NKTR: variants seen among roughly 807,000 people sequenced by gnomAD.
The protein encoded by NKTR is NK-tumor recognition protein.
Under a neutral mutation model 156.3 loss-of-function variants are expected in NKTR, and 67 were observed. The ratio of observed to expected loss-of-function variants is 0.43; its 90% CI spans 0.35 to 0.53. NKTR has a LOEUF of 0.53. NKTR is among the 20% of genes least tolerant of loss of function. NKTR has a pLI of 0.01. For synonymous variants in NKTR, 640 were observed against 596.6 expected (o/e 1.07, Z -1.06); for missense variants, 1,604 against 1,730.9 (o/e 0.93, Z 1.30).
At chr3:42,610,589 G>C (rs922821122) in intron 2 of NKTR, among the ~76,000 whole-genome samples, 1 of 150,646 alleles carries the variant, frequency 6.6e-6, no homozygotes, top group African/African-American at 2.4e-5. Context: ...GGTTTCTATC[G>C]TGGGATTTTT....
Position 42,638,219 on chromosome 3 carries a change from G to GA in NKTR, c.2522dup (p.Asn841LysfsTer4). ...AATGGAAAGAACACATAATAAACAA[G>GA]AAAAAAACAGAGGTGAAGAAAAATC... is the stretch of plus-strand genomic sequence containing the variant. On this transcript the variant is annotated frameshift_variant, in exon 13 of 17. Transcript: ENST00000232978. LOFTEE classifies it high-confidence loss of function. 1.2e-6 allele frequency: 2 copies of GA among 1,611,970 alleles called. No individual in the cohort carries two copies. The highest frequency in any genetic ancestry group is 2.7e-5 in the African/African-American group (2 of 74,672).
intron 2 of NKTR, among the ~76,000 whole-genome samples, chr3:42,609,327 T>G (rs1706544111): frequency 6.6e-6 from 1 of 152,202 alleles, no homozygotes; most frequent in Admixed American, 6.5e-5. Context: ...CTATTAAATT[T>G]CTTTGGTGTA....
chr3:42,603,309 A>G (rs1705772726), intron 2 of NKTR, among the ~76,000 whole-genome samples: 1 of 147,408 alleles, frequency 6.8e-6, no homozygotes, highest in Non-Finnish European at 1.5e-5. Flanking sequence ...GCCATGAGCT[A>G]TGATTGCACC....
intron 2 of NKTR, among the ~76,000 whole-genome samples, chr3:42,606,589 T>A (rs1433647859): frequency 1.3e-5 from 2 of 152,264 alleles, no homozygotes; most frequent in African/African-American, 2.4e-5. Context: ...TATGTATACT[T>A]GTACAAAGAA....
Position 42,646,123 on chromosome 3 carries a change from G to A in NKTR, c.*148G>A. 2.0e-6 allele frequency: 1 copy of A among 499,234 alleles called. No homozygotes were observed. The highest frequency in any genetic ancestry group is 3.6e-6 in the Non-Finnish European group (1 of 274,988). 30.9% of individuals were successfully genotyped at this position (499,234 alleles called of 1,614,324 possible). On this transcript the variant is annotated 3_prime_UTR_variant, in exon 17 of 17. Transcript: ENST00000232978. The stretch of plus-strand genomic sequence containing the variant: ...AATTGTTACTGGTTCATTTACATGT[G>A]GGGAGAAGAATTTAAAATACAGATA...
Position 42,637,876 on chromosome 3 carries a change from T to G in NKTR, c.2172T>G (p.Ser724=). 3 of 1,614,062 alleles carry G rather than the reference T, an allele frequency of 1.9e-6. No individual in the cohort carries two copies. Among genetic ancestry groups the G allele is most frequent in the Non-Finnish European group, 1.7e-6 (2 of 1,179,942 alleles). ...ATTCAAGGTCTAGGTCTCCATCATCTAGATCTCATTCACGAAATAAATACA... is the reference window on the plus strand; with the variant it reads ...ATTCAAGGTCTAGGTCTCCATCATCGAGATCTCATTCACGAAATAAATACA... The part of the protein sequence containing the change: ...SSHSRSRSPS[S]RSHSRNKYSD... The change falls in exon 13 of 17, where the codon TCT becomes TCG. Residue 724 remains serine, a synonymous_variant. Transcript: ENST00000232978.
At chr3:42,630,079 G>A (rs1708750749) in intron 6 of NKTR, 1 of 986,066 alleles carries the variant, frequency 1.0e-6, no homozygotes, top group Non-Finnish European at 1.2e-6. Context: ...CTCAGTATGA[G>A]AAATAACAAG....
At chr3:42,639,834 A>G in intron 13 of NKTR, 84 bp downstream of exon 13, 1 of 946,336 alleles carries the variant, frequency 1.1e-6, no homozygotes. Flanking sequence ...TAGGGACAGA[A>G]TCACTATTTC....
chr3:42,628,683 A>T, intron 6 of NKTR: 1 of 985,410 alleles, frequency 1.0e-6, no homozygotes, highest in Non-Finnish European at 1.2e-6. Context: ...CTGATCCCTT[A>T]CACTGTAGAA....
At chr3:42,630,282 C>T in intron 6 of NKTR, 1 of 1,202,778 alleles carries the variant, frequency 8.3e-7, no homozygotes, top group South Asian at 3.9e-5. Context: ...GGCTACAAGT[C>T]AAACTGATTT....
rs749321854 is a variant in NKTR, at chr3:42,638,367, A to G, written c.2663A>G (p.Glu888Gly). The stretch of plus-strand genomic sequence containing the variant: ...TATGCTGGTAGTAAATGGGACTCTG[A>G]GTCAAATTCAGAACGAGATGTCACT... ...KNYAGSKWDS[E>G]SNSERDVTKN... is the part of the protein sequence containing the mutation. Residue 888 changes from glutamate (E) to glycine (G), a missense_variant, in exon 13 of 17, where the codon GAG (glutamate) becomes GGG (glycine). By Grantham distance (98) the Glu-to-Gly change is moderately conservative. Around this residue, in one of 6 missense-constraint regions of NKTR, gnomAD observed 1,255 missense variants for 1,243.7 expected, o/e 1.01. Coordinates refer to ENST00000232978, the MANE Select transcript of NKTR (RefSeq NM_005385.4). 3 of 1,613,866 alleles carry G rather than the reference A, an allele frequency of 1.9e-6. No homozygotes were observed. The South Asian group carries it at 3.3e-5, about 18-fold the overall frequency.
intron 9 of NKTR, chr3:42,633,358 A>G (rs974641960): frequency 3.0e-6 from 4 of 1,312,060 alleles, no homozygotes; most frequent in Non-Finnish European, 3.9e-6. Flanking sequence ...AACTCTTAAA[A>G]TAAAAAAGTT....
chr3:42,641,271 A>G (rs1419690189), intron 13 of NKTR, among the ~76,000 whole-genome samples: 2 of 152,302 alleles, frequency 1.3e-5, no homozygotes, highest in East Asian at 1.9e-4. Context: ...ATAAATGACT[A>G]CAATCTTATT....
At chr3:42,620,196 G>T (rs1707781634) in intron 5 of NKTR, 2 of 1,278,642 alleles carry the variant, frequency 1.6e-6, no homozygotes, top group Admixed American at 3.7e-5. Context: ...ACATGCTTCT[G>T]TATCTTTTTT....
At chr3:42,630,324 A>T (rs1708773759) in intron 6 of NKTR, 1 of 1,378,344 alleles carries the variant, frequency 7.3e-7, no homozygotes, top group Non-Finnish European at 9.3e-7. Context: ...TCTAATAGAG[A>T]TGATTGTAAT....
At chr3:42,616,099 CATT>C (rs1577461766) in intron 2 of NKTR, among the ~76,000 whole-genome samples, 1 of 152,170 alleles carries the variant, frequency 6.6e-6, no homozygotes, top group South Asian at 2.1e-4. Flanking sequence ...AATGCAGTAT[CATT>C]GTTTCCTCCT....
intron 10 of NKTR, 149 bp downstream of exon 10, chr3:42,633,884 G>T: frequency 1.2e-6 from 1 of 829,560 alleles, no homozygotes; most frequent in Non-Finnish European, 1.9e-6. Flanking sequence ...TGAATGATAC[G>T]TAGGAAATAT....
Position 42,633,583 on chromosome 3 carries a change from C to T in NKTR, c.777C>T (p.His259=). The T allele has an allele frequency of 6.2e-7, 1 of 1,613,708 alleles. No homozygotes were observed. Among genetic ancestry groups the T allele is most frequent in the East Asian group, 2.2e-5 (1 of 44,852 alleles). ...CAGTGACTTGGTTTGTTCTAAGTCA[C>T]TCTGAGAGGAGTGATACCAATGAAA... ...RNKHAMNPKG[H]SERSDTNEKR... is the part of the protein sequence containing the mutation. The change falls in exon 10 of 17, where the codon CAC becomes CAT. Residue 259 remains histidine, a synonymous_variant. Coordinates refer to ENST00000232978, the MANE Select transcript of NKTR (RefSeq NM_005385.4).
intron 13 of NKTR, among the ~76,000 whole-genome samples, chr3:42,639,986 A>G (rs1317748219): frequency 2.0e-5 from 3 of 152,222 alleles, no homozygotes; most frequent in Non-Finnish European, 4.4e-5. Context: ...CTCTGTCACT[A>G]GAAATGAGTT....
Sources: allele counts gnomAD v4.1 joint callset (sites outside exome capture counted in the v4.1 genomes callset), GRCh38; gene constraint gnomAD v4.1.1; regional missense constraint gnomAD v4.1.1; transcripts MANE v1.5; gene names NCBI Gene and HGNC (gene_info 2026-07-23, HGNC 2026-07-21).